Variants in CA10 observed in about 807,000 individuals in gnomAD.
CA10 encodes carbonic anhydrase 10 (inactive), also known as carbonic anhydrase-related protein 10.
A neutral mutation model predicts 44.2 loss-of-function variants in CA10; 14 were observed. The observed-to-expected ratio is 0.32, with a 90% CI of 0.21 to 0.50. CA10 has a LOEUF of 0.50. Ranked by LOEUF, CA10 falls within the 20% of genes least tolerant of loss-of-function variation. CA10 has a pLI of 0.99. For missense variants in CA10, 350 were observed against 409.7 expected (o/e 0.85, Z 1.26); for synonymous variants, 159 against 141.6 (o/e 1.12, Z -0.87).
intron 4 of CA10, among the ~76,000 whole-genome samples, chr17:51,680,317 G>A (rs955935106): frequency 1.3e-5 from 2 of 152,200 alleles, no homozygotes; most frequent in African/African-American, 4.8e-5. Context: ...CATGACTACA[G>A]ATCTCAGTGT....
chr17:52,026,271 T>C (rs1263842048), intron 2 of CA10, among the ~76,000 whole-genome samples: 2 of 152,162 alleles, frequency 1.3e-5, no homozygotes, highest in Non-Finnish European at 2.9e-5. Context: ...AAATGTGCAC[T>C]AGAGTAAAAT....
chr17:51,946,406 T>G (rs1355382755), intron 2 of CA10, among the ~76,000 whole-genome samples: 1 of 152,168 alleles, frequency 6.6e-6, no homozygotes, highest in Admixed American at 6.5e-5. Flanking sequence ...TCTCTGGGGA[T>G]TAAGAACACT....
chr17:51,652,249 A>G (rs1913601381), intron 5 of CA10, among the ~76,000 whole-genome samples: 1 of 152,212 alleles, frequency 6.6e-6, no homozygotes, highest in South Asian at 2.1e-4. Flanking sequence ...ATACAACACG[A>G]ATGTTCAACC....
intron 1 of CA10, among the ~76,000 whole-genome samples, chr17:52,111,584 T>C (rs1176988508): frequency 6.6e-6 from 1 of 152,102 alleles, no homozygotes. Flanking sequence ...CCTGCTCAGA[T>C]TAGATTGTAT....
At chr17:51,774,337 C>T (rs1010409466) in intron 3 of CA10, among the ~76,000 whole-genome samples, 4 of 152,106 alleles carry the variant, frequency 2.6e-5, no homozygotes, top group Non-Finnish European at 4.4e-5. Context: ...TCCCCCTGCC[C>T]GCAAGCCTGC....
chr17:52,124,841 C>T (rs1598227548), intron 1 of CA10, among the ~76,000 whole-genome samples: 1 of 152,294 alleles, frequency 6.6e-6, no homozygotes, highest in East Asian at 1.9e-4. Context: ...CTCCTCTGTG[C>T]CCACAACACT....
At chr17:51,937,606 T>G (rs188462283) in intron 2 of CA10, among the ~76,000 whole-genome samples, 1 of 152,146 alleles carries the variant, frequency 6.6e-6, no homozygotes, top group African/African-American at 2.4e-5. Context: ...TAATCATTAA[T>G]TTGTGCATTC....
At chr17:51,690,138 G>A (rs1226838360) in intron 4 of CA10, among the ~76,000 whole-genome samples, 5 of 152,078 alleles carry the variant, frequency 3.3e-5, no homozygotes, top group African/African-American at 1.2e-4. Context: ...AGTAGACATG[G>A]GGTTTTACCA....
chr17:52,094,610 A>G (rs1156837558), intron 1 of CA10, among the ~76,000 whole-genome samples: 5 of 152,198 alleles, frequency 3.3e-5, no homozygotes, highest in African/African-American at 4.8e-5. Flanking sequence ...CGGTATCCAG[A>G]AATACTTTAA....
intron 6 of CA10, among the ~76,000 whole-genome samples, chr17:51,642,600 T>A (rs1158503298): frequency 6.6e-6 from 1 of 152,222 alleles, no homozygotes; most frequent in Non-Finnish European, 1.5e-5. Context: ...GTGGTTTTAT[T>A]TCCTTAGAGG....
At chr17:51,903,783 C>G (rs183785603) in intron 3 of CA10, among the ~76,000 whole-genome samples, 1 of 151,988 alleles carries the variant, frequency 6.6e-6, no homozygotes, top group Non-Finnish European at 1.5e-5. Context: ...GAAGAGAGCT[C>G]CAAAATATTC....
At chr17:52,030,442 G>A (rs2144171795) in intron 2 of CA10, among the ~76,000 whole-genome samples, 1 of 152,280 alleles carries the variant, frequency 6.6e-6, no homozygotes, top group East Asian at 1.9e-4. Flanking sequence ...ACTTGCTTTA[G>A]TCCTGTGGGA....
At chr17:52,047,005 C>T (rs546832050) in intron 2 of CA10, among the ~76,000 whole-genome samples, 3 of 152,008 alleles carry the variant, frequency 2.0e-5, no homozygotes, top group Non-Finnish European at 4.4e-5. Flanking sequence ...AACATATGTT[C>T]ATACACGGAC....
At chr17:51,911,243 G>T (rs1393018720) in intron 3 of CA10, among the ~76,000 whole-genome samples, 1 of 152,128 alleles carries the variant, frequency 6.6e-6, no homozygotes, top group Non-Finnish European at 1.5e-5. Context: ...CAGACCTGAA[G>T]ACTCATGAGC....
intron 3 of CA10, among the ~76,000 whole-genome samples, chr17:51,832,239 A>G (rs756497438): frequency 2.0e-5 from 3 of 152,136 alleles, no homozygotes; most frequent in Non-Finnish European, 4.4e-5. Flanking sequence ...CTATAGTAAC[A>G]CTCAATTCCT....
chr17:52,104,723 TAA>T (rs1454470860), intron 1 of CA10, among the ~76,000 whole-genome samples: 1 of 152,146 alleles, frequency 6.6e-6, no homozygotes, highest in African/African-American at 2.4e-5. Context: ...GGTACTGACT[TAA>T]AGAGGCATTC....
rs76896744 is a variant in CA10, at chr17:52,007,131, C to A, written c.136+65188G>T. Among the ~76,000 whole-genome samples, 1,291 of 151,732 alleles carry A rather than the reference C, an allele frequency of 8.5e-3. 16 individuals carry two copies. The highest frequency in any genetic ancestry group is 0.027 in the African/African-American group (1,128 of 41,500). On this transcript the variant is annotated intron_variant, in intron 2 of 8. Transcript: ENST00000451037. Reference sequence around the variant, plus strand: ...TCTGATGTGCAATAAACCTTTTAAACACCCTTCTAACAGTTTGGCTGGAAA... The same window carrying A: ...TCTGATGTGCAATAAACCTTTTAAAAACCCTTCTAACAGTTTGGCTGGAAA...
chr17:52,140,423 C>T (rs1174045696), intron 1 of CA10, among the ~76,000 whole-genome samples: 2 of 152,188 alleles, frequency 1.3e-5, no homozygotes, highest in South Asian at 2.1e-4. Context: ...CTAGACAGTA[C>T]ATAAATGAAT....
chr17:52,013,304 A>G (rs959380517), intron 2 of CA10, among the ~76,000 whole-genome samples: 1 of 152,006 alleles, frequency 6.6e-6, no homozygotes, highest in African/African-American at 2.4e-5. Flanking sequence ...CTTGAAAAAG[A>G]CAACATATTT....
Sources: gnomAD v4.1 joint callset for allele counts (sites outside exome capture counted in the v4.1 genomes callset) on GRCh38, gnomAD v4.1.1 for gene constraint, MANE v1.5 for transcripts, NCBI Gene and HGNC (gene_info 2026-07-23, HGNC 2026-07-21) for gene names.